SERGEF: variants seen among roughly 807,000 people sequenced by gnomAD.
SERGEF encodes the protein secretion-regulating guanine nucleotide exchange factor.
In SERGEF, 51 loss-of-function variants were observed where a neutral mutation model predicts 50.0. The observed-to-expected ratio is 1.02, with a 90% CI of 0.81 to 1.29. The LOEUF (loss-of-function observed/expected upper bound fraction) is 1.29, where lower values mean the gene tolerates loss of function less well. SERGEF is among the 50% of genes most tolerant of loss of function. The pLI is 0.00. For missense variants in SERGEF, 521 were observed against 557.0 expected, an observed-to-expected ratio of 0.94 and a Z score of 0.65; for synonymous variants, 205 against 212.4, an observed-to-expected ratio of 0.97 and a Z score of 0.30.
chr11:17,807,338 CA>C (rs1357052410), intron 10 of SERGEF, among the ~76,000 whole-genome samples: 155 of 14,172 alleles, frequency 0.011, no homozygotes, highest in Middle Eastern at 0.12. Flanking sequence ...TCCCCCCCCA[CA>C]AAAAAAATTC....
intron 10 of SERGEF, chr11:17,863,634 T>C (rs1235730414): frequency 1.3e-5 from 2 of 152,198 alleles, no homozygotes; most frequent in Non-Finnish European, 2.9e-5. Flanking sequence ...ATTCATTCAT[T>C]CAGTATTTAA....
chr11:17,792,384 C>T (rs562002386), intron 10 of SERGEF, among the ~76,000 whole-genome samples: 1 of 152,184 alleles, frequency 6.6e-6, no homozygotes, highest in Non-Finnish European at 1.5e-5. Flanking sequence ...GCTTTGTGCC[C>T]GGCCCTGGTG....
chr11:17,951,066 G>A (rs1336501921), intron 9 of SERGEF, among the ~76,000 whole-genome samples: 1 of 152,082 alleles, frequency 6.6e-6, no homozygotes, highest in Admixed American at 6.5e-5. Context: ...AAGCATCTAG[G>A]CTCCACTATC....
intron 9 of SERGEF, among the ~76,000 whole-genome samples, chr11:17,906,827 A>AAG (rs10651026): frequency 1.1e-3 from 17 of 14,834 alleles, no homozygotes; most frequent in African/African-American, 8.5e-3. Flanking sequence ...ATCAAATAAG[A>AAG]AAAAAAAAAA....
At chr11:17,986,353 T>C (rs1171895454) in intron 8 of SERGEF, among the ~76,000 whole-genome samples, 1 of 152,130 alleles carries the variant, frequency 6.6e-6, no homozygotes, top group African/African-American at 2.4e-5. Context: ...CATTCAAACA[T>C]CCCAGGTTTA....
chr11:17,990,545 TA>T (rs1462416279), intron 7 of SERGEF, among the ~76,000 whole-genome samples: 1 of 152,226 alleles, frequency 6.6e-6, no homozygotes, highest in Non-Finnish European at 1.5e-5. Flanking sequence ...GAAGCCTGTG[TA>T]AACAACTTCA....
intron 10 of SERGEF, among the ~76,000 whole-genome samples, chr11:17,804,919 G>A (rs965000247): frequency 6.6e-6 from 1 of 152,092 alleles, no homozygotes; most frequent in African/African-American, 2.4e-5. Flanking sequence ...TTTTCTGAGG[G>A]CTAAGAATAT....
At chr11:17,876,578 C>T (rs888572238) in intron 10 of SERGEF, among the ~76,000 whole-genome samples, 6 of 152,206 alleles carry the variant, frequency 3.9e-5, no homozygotes, top group Admixed American at 2.6e-4. Flanking sequence ...AGAATATGGA[C>T]GCTCACACAG....
At chr11:17,959,666 T>A (rs953166227) in intron 8 of SERGEF, 30 bp from the exon 9 acceptor site, 59 of 1,582,450 alleles carry the variant, frequency 3.7e-5, no homozygotes, top group Admixed American at 2.9e-4. Context: ...GAATTAAGAC[T>A]ACATTCCACA....
chr11:17,816,928 T>C (rs1473165341), intron 10 of SERGEF, among the ~76,000 whole-genome samples: 3 of 152,164 alleles, frequency 2.0e-5, no homozygotes, highest in Admixed American at 1.3e-4. Context: ...GAAGCAGCCT[T>C]ATATGTGATA....
intron 9 of SERGEF, among the ~76,000 whole-genome samples, chr11:17,919,196 G>T (rs973053297): frequency 6.6e-6 from 1 of 152,216 alleles, no homozygotes; most frequent in Admixed American, 6.5e-5. Flanking sequence ...ATTCTCAAAA[G>T]ATGCTGAATG....
At chr11:17,795,125 G>A (rs1407945373) in intron 10 of SERGEF, among the ~76,000 whole-genome samples, 1 of 152,254 alleles carries the variant, frequency 6.6e-6, no homozygotes, top group Non-Finnish European at 1.5e-5. Context: ...GGCTGACGGA[G>A]AGGAGGGGTG....
chr11:17,879,576 G>GTGAT (rs1210809682), intron 9 of SERGEF, among the ~76,000 whole-genome samples: 1 of 152,150 alleles, frequency 6.6e-6, no homozygotes, highest in Non-Finnish European at 1.5e-5. Flanking sequence ...TCATGTATGA[G>GTGAT]TGATTCCTTA....
chr11:17,813,665 T>C (rs1216501013), intron 10 of SERGEF, among the ~76,000 whole-genome samples: 1 of 152,212 alleles, frequency 6.6e-6, no homozygotes, highest in East Asian at 1.9e-4. Context: ...CTAACTAACC[T>C]GTGCCAGAAA....
chr11:17,877,358 A>G (rs1851255460), intron 10 of SERGEF, among the ~76,000 whole-genome samples: 1 of 152,222 alleles, frequency 6.6e-6, no homozygotes, highest in South Asian at 2.1e-4. Context: ...GAGGGCAATT[A>G]CTTTAACATA....
At chr11:17,910,568 T>C (rs539061608) in intron 9 of SERGEF, among the ~76,000 whole-genome samples, 97 of 152,294 alleles carry the variant, frequency 6.4e-4, no homozygotes, top group African/African-American at 2.3e-3. Context: ...GTGGGTTTGT[T>C]TTAATAAGCT....
At chr11:17,898,227 A>G (rs1391786209) in intron 9 of SERGEF, among the ~76,000 whole-genome samples, 1 of 152,250 alleles carries the variant, frequency 6.6e-6, no homozygotes, top group Non-Finnish European at 1.5e-5. Context: ...CTGTTCTAGC[A>G]GCTCTAAAGT....
chr11:17,985,769 TACAG>T (rs1357659700), intron 8 of SERGEF, among the ~76,000 whole-genome samples: 1 of 152,204 alleles, frequency 6.6e-6, no homozygotes, highest in Admixed American at 6.5e-5. Flanking sequence ...CAGATTCCCA[TACAG>T]ACAATCTATA....
intron 10 of SERGEF, among the ~76,000 whole-genome samples, chr11:17,823,787 C>T (rs1247379990): frequency 6.6e-6 from 1 of 152,186 alleles, no homozygotes; most frequent in East Asian, 1.9e-4. Context: ...TTATTCCCCA[C>T]AATTCTCCTG....
Sources: allele counts gnomAD v4.1 joint callset (sites outside exome capture counted in the v4.1 genomes callset), GRCh38; gene constraint gnomAD v4.1.1; transcripts MANE v1.5; gene names NCBI Gene and HGNC (gene_info 2026-07-23, HGNC 2026-07-21).